Variants in PCDHA2 observed in about 807,000 individuals in gnomAD.
The protein encoded by PCDHA2 is protocadherin alpha-2.
PCDHA2 carries 58 observed loss-of-function variants against 66.0 expected under a neutral mutation model. The observed-to-expected ratio is 0.88, with a 90% confidence interval of 0.71 to 1.09. The LOEUF (loss-of-function observed/expected upper bound fraction) is 1.09, where lower values mean the gene tolerates loss of function less well. PCDHA2 is among the 50% of genes least tolerant of loss of function. The probability of loss-of-function intolerance (pLI) is 0.00; values close to 1 mark genes in which losing one functional copy is unlikely to be tolerated. For missense variants in PCDHA2, 1,267 were observed against 1,242.3 expected, an observed-to-expected ratio of 1.02 and a Z score of -0.30; for synonymous variants, 634 against 554.0, an observed-to-expected ratio of 1.14 and a Z score of -2.03.
At chr5:140,891,431 A>G (rs912407002) in intron 1 of PCDHA2, among the ~76,000 whole-genome samples, 1 of 143,446 alleles carries the variant, frequency 7.0e-6, no homozygotes, top group Non-Finnish European at 1.5e-5. Context: ...CAAGTCCCCA[A>G]CGTCCATTGT....
At chr5:140,938,835 CA>C (rs2092222540) in intron 1 of PCDHA2, among the ~76,000 whole-genome samples, 1 of 152,008 alleles carries the variant, frequency 6.6e-6, no homozygotes, top group African/African-American at 2.4e-5. Flanking sequence ...TGCGTTATAA[CA>C]AACCTGCCCA....
rs1281191089 is a variant in PCDHA2, at chr5:140,795,035, G to C, written c.71G>C (p.Trp24Ser). 6.2e-7 allele frequency: 1 copy of C among 1,613,856 alleles called. No individual in the cohort carries two copies. Among genetic ancestry groups the C allele is most frequent in the Non-Finnish European group, 8.5e-7 (1 of 1,179,994 alleles). ...RLLSLLLLAA[W>S]EVGSGQLRYS... Reference sequence around the variant, plus strand: ...CTCTCGCTTCTGCTCCTCGCAGCCTGGGAGGTGGGGAGCGGCCAGCTCCGC... The same window carrying C: ...CTCTCGCTTCTGCTCCTCGCAGCCTCGGAGGTGGGGAGCGGCCAGCTCCGC... Residue 24 changes from tryptophan (W) to serine (S), a missense_variant, in exon 1 of 4, where the codon TGG becomes TCG. Physicochemically the swap from Trp to Ser is radical, Grantham distance 177. Transcript: ENST00000526136.
At chr5:140,807,734 C>A (rs1764019669) in intron 1 of PCDHA2, 1 of 1,614,190 alleles carries the variant, frequency 6.2e-7, no homozygotes, top group South Asian at 1.1e-5. Context: ...TCTGGAAAAA[C>A]CACCTGATGA....
intron 1 of PCDHA2, among the ~76,000 whole-genome samples, chr5:140,975,842 T>C (rs1291239014): frequency 1.3e-5 from 2 of 152,210 alleles, no homozygotes; most frequent in Non-Finnish European, 2.9e-5. Context: ...TATTCTTCAG[T>C]AATACTACAT....
At chr5:140,835,564 C>T (rs2150238347) in intron 1 of PCDHA2, 1 of 1,613,820 alleles carries the variant, frequency 6.2e-7, no homozygotes, top group African/African-American at 1.3e-5. Context: ...CCCCGCGTTC[C>T]CTTCAAGTTG....
chr5:140,856,246 G>T (rs782761072), intron 1 of PCDHA2: 2 of 1,598,030 alleles, frequency 1.3e-6, no homozygotes, highest in Admixed American at 1.7e-5. Flanking sequence ...TCCGGGTGGC[G>T]TCCAAAAGAC....
chr5:140,899,465 T>C (rs1291429349), intron 1 of PCDHA2, among the ~76,000 whole-genome samples: 2 of 152,232 alleles, frequency 1.3e-5, no homozygotes, highest in African/African-American at 4.8e-5. Context: ...GTTTTTGTCT[T>C]TGGTTCTGTT....
At chr5:140,880,514 T>A (rs2058367516) in intron 1 of PCDHA2, among the ~76,000 whole-genome samples, 1 of 152,198 alleles carries the variant, frequency 6.6e-6, no homozygotes, top group African/African-American at 2.4e-5. Context: ...TTTGGTCACA[T>A]CTCTCAATGT....
At chr5:140,807,934 G>C in intron 1 of PCDHA2, 1 of 1,614,090 alleles carries the variant, frequency 6.2e-7, no homozygotes. Context: ...TTTATAAGGT[G>C]AGATTACTAG....
At chr5:140,836,687 C>A (rs2150267868) in intron 1 of PCDHA2, 2 of 1,613,458 alleles carry the variant, frequency 1.2e-6, no homozygotes, top group Non-Finnish European at 1.7e-6. Context: ...CCAAGACAGA[C>A]CTCATGGCCT....
intron 1 of PCDHA2, chr5:140,823,118 A>C (rs2150122501): frequency 6.2e-7 from 1 of 1,614,030 alleles, no homozygotes. Context: ...GCCGACGTGA[A>C]CGACAACGCT....
intron 1 of PCDHA2, among the ~76,000 whole-genome samples, chr5:140,887,536 C>G (rs2153420652): frequency 6.6e-6 from 1 of 152,238 alleles, no homozygotes; most frequent in African/African-American, 2.4e-5. Context: ...CTTCCTCTCC[C>G]CACCCCTCAT....
intron 3 of PCDHA2, among the ~76,000 whole-genome samples, chr5:140,997,644 ATGCAATAT>A (rs1287449551): frequency 7.9e-5 from 12 of 151,656 alleles, no homozygotes; most frequent in African/African-American, 2.9e-4. Flanking sequence ...AAATGGGATA[ATGCAATAT>A]GTATTATTAT....
chr5:140,993,087 G>T (rs1476981409), intron 3 of PCDHA2, among the ~76,000 whole-genome samples: 2 of 152,188 alleles, frequency 1.3e-5, no homozygotes, highest in African/African-American at 4.8e-5. Flanking sequence ...AATCAGCAGG[G>T]CTATGTTTAT....
At position 141,010,458 on chromosome 5, in the gene PCDHA2, T is replaced by C. The variant is rs2098417373; in HGVS notation, c.*521T>C. The C allele has an allele frequency of 1.1e-6, 1 of 871,194 alleles. No individual in the cohort carries two copies. The highest frequency in any genetic ancestry group is 1.7e-6 in the Non-Finnish European group (1 of 592,130). 54.0% of individuals were successfully genotyped at this position (871,194 alleles called of 1,614,324 possible). On this transcript the variant is annotated 3_prime_UTR_variant, in exon 4 of 4. Coordinates refer to ENST00000526136, the MANE Select transcript of PCDHA2 (RefSeq NM_018905.3). ...AAAGACAAATAAACAGCGGAAGTTA[T>C]CAGTATGGAGGGGAAGTGTAAACTT...
chr5:140,890,452 G>A (rs72800989), intron 1 of PCDHA2, among the ~76,000 whole-genome samples: 2,230 of 151,860 alleles, frequency 0.015, 28 homozygotes, highest in Non-Finnish European at 0.022. Context: ...GATATCTTTA[G>A]GCACAAATAT....
chr5:140,843,294 C>T lies in PCDHA2; in HGVS notation c.2388+45942C>T, dbSNP rs2150356676. 4 of 1,595,870 alleles carry T rather than the reference C, an allele frequency of 2.5e-6. No homozygotes were observed. Among genetic ancestry groups the T allele is most frequent in the East Asian group, 4.5e-5 (2 of 44,826 alleles). ...CTGGTGAAGGATCATGGTGAACCTG[C>T]GCTGACCGCCACGGCCACGGTTCTG... On this transcript the variant is annotated intron_variant, in intron 1 of 3. Transcript: ENST00000526136.
chr5:140,871,032 C>G (rs1554165004), intron 1 of PCDHA2: 1 of 1,613,304 alleles, frequency 6.2e-7, no homozygotes. Flanking sequence ...ACTCGCCGCG[C>G]CACCGACTTC....
chr5:140,884,323 C>G (rs1554181434), intron 1 of PCDHA2: 10 of 1,613,816 alleles, frequency 6.2e-6, no homozygotes, highest in Non-Finnish European at 8.5e-6. Context: ...CGTCGGCAGG[C>G]GCTGTGGGTC....
Sources: allele counts gnomAD v4.1 joint callset (sites outside exome capture counted in the v4.1 genomes callset), GRCh38; gene constraint gnomAD v4.1.1; transcripts MANE v1.5; gene names NCBI Gene and HGNC (gene_info 2026-07-23, HGNC 2026-07-21).